GPC6: variants seen among roughly 807,000 people sequenced by gnomAD.
GPC6 encodes glypican-6.
In GPC6, 14 loss-of-function variants were observed where a neutral mutation model predicts 55.2. That is an observed-to-expected ratio of 0.25 (90% CI 0.17 to 0.40). GPC6 has a LOEUF of 0.40. GPC6 is among the 10% of genes least tolerant of loss of function. The pLI is 1.00. For synonymous variants in GPC6, 278 were observed against 259.6 expected, an observed-to-expected ratio of 1.07 and a Z score of -0.68; for missense variants, 641 against 708.5, an observed-to-expected ratio of 0.90 and a Z score of 1.08.
chr13:94,088,377 T>C (rs1451974034), intron 4 of GPC6, among the ~76,000 whole-genome samples: 1 of 151,994 alleles, frequency 6.6e-6, no homozygotes, highest in Admixed American at 6.6e-5. Context: ...AGGATGTTCA[T>C]AGAAACATCC....
At chr13:93,662,055 C>G (rs968794116) in intron 2 of GPC6, among the ~76,000 whole-genome samples, 1 of 152,098 alleles carries the variant, frequency 6.6e-6, no homozygotes, top group Non-Finnish European at 1.5e-5. Context: ...GTATATTCTC[C>G]CTACTAGCAT....
chr13:94,396,156 C>T (rs1189867532), intron 7 of GPC6, among the ~76,000 whole-genome samples: 2 of 152,204 alleles, frequency 1.3e-5, no homozygotes, highest in South Asian at 4.1e-4. Flanking sequence ...AGCCCCAGGG[C>T]GCTTCACCTC....
intron 1 of GPC6, among the ~76,000 whole-genome samples, chr13:93,481,509 A>G (rs1312609566): frequency 6.6e-6 from 1 of 152,064 alleles, no homozygotes; most frequent in African/African-American, 2.4e-5. Flanking sequence ...ATCCAAGATT[A>G]TGGATCTTTA....
intron 4 of GPC6, among the ~76,000 whole-genome samples, chr13:94,178,105 G>A (rs1031257744): frequency 2.7e-5 from 4 of 146,202 alleles, no homozygotes; most frequent in Non-Finnish European, 4.4e-5. Flanking sequence ...TGCAACCTCC[G>A]CCTCCTGGGT....
At chr13:94,192,982 T>A (rs1889447351) in intron 4 of GPC6, among the ~76,000 whole-genome samples, 1 of 152,152 alleles carries the variant, frequency 6.6e-6, no homozygotes, top group Non-Finnish European at 1.5e-5. Flanking sequence ...TGAAGCCTTA[T>A]TTTTGGGGAT....
At chr13:93,352,935 A>G (rs953711418) in intron 1 of GPC6, among the ~76,000 whole-genome samples, 1 of 152,208 alleles carries the variant, frequency 6.6e-6, no homozygotes, top group Non-Finnish European at 1.5e-5. Context: ...TTGTGTGGTC[A>G]TGGAACAGAC....
At chr13:94,243,039 T>A (rs1410233731) in intron 4 of GPC6, among the ~76,000 whole-genome samples, 4 of 152,106 alleles carry the variant, frequency 2.6e-5, no homozygotes, top group Admixed American at 2.6e-4. Context: ...CCAAGAGAAT[T>A]GATCTCCATA....
chr13:93,227,910 C>G lies in GPC6; in HGVS notation c.160+294C>G, dbSNP rs1237708878. Among the ~76,000 whole-genome samples the G allele has an allele frequency of 6.6e-6, 1 of 152,152 alleles. No individual in the cohort carries two copies. Among genetic ancestry groups the G allele is most frequent in the African/African-American group, 2.4e-5 (1 of 41,458 alleles). ...TAGTTGATGGCTCAGGCCCGGCTGG[C>G]CAGGGAGCCCGGGTCACTCCGGGGC... On this transcript the variant is annotated intron_variant, in intron 1 of 8. Coordinates refer to ENST00000377047, the MANE Select transcript of GPC6 (RefSeq NM_005708.5). The surrounding 1 kb of genome is among the most constrained non-coding windows in gnomAD (Gnocchi z 4.3).
chr13:93,509,042 G>A (rs12184868), intron 1 of GPC6, among the ~76,000 whole-genome samples: 125,585 of 152,086 alleles, frequency 0.83, 53,170 homozygotes, highest in Non-Finnish European at 0.92. Flanking sequence ...GGCAGAGCAA[G>A]CCTTCAGAGT....
chr13:94,262,786 A>C (rs1350250770), intron 4 of GPC6, among the ~76,000 whole-genome samples: 2 of 152,202 alleles, frequency 1.3e-5, no homozygotes, highest in Non-Finnish European at 2.9e-5. Flanking sequence ...CTAGGGAAGA[A>C]ATTGTTGCCT....
At chr13:94,232,363 G>A (rs1890755896) in intron 4 of GPC6, among the ~76,000 whole-genome samples, 1 of 152,142 alleles carries the variant, frequency 6.6e-6, no homozygotes, top group Non-Finnish European at 1.5e-5. Context: ...CCAGAACACG[G>A]AGCAGTGCTT....
Position 94,360,826 on chromosome 13 carries a change from T to C in GPC6, c.1153-21588T>C, listed in dbSNP as rs148248248. On this transcript the variant is annotated intron_variant, in intron 6 of 8. Coordinates refer to ENST00000377047, the MANE Select transcript of GPC6 (RefSeq NM_005708.5). ...CACCAGTTCTGTTGTAATGGTTAAT[T>C]TGAGACTGCAGGCTCTGGGCCCCCA... Among the ~76,000 whole-genome samples the C allele has an allele frequency of 2.7e-3, 405 of 152,336 alleles. 1 individual carries two copies. The highest frequency in any genetic ancestry group is 9.3e-3 in the African/African-American group (387 of 41,570).
chr13:93,576,350 A>C (rs896813497), intron 2 of GPC6, among the ~76,000 whole-genome samples: 1 of 152,192 alleles, frequency 6.6e-6, no homozygotes, highest in African/African-American at 2.4e-5. Context: ...ATTTTATATT[A>C]AGTGAATATT....
chr13:94,234,291 T>G (rs2139017091), intron 4 of GPC6, among the ~76,000 whole-genome samples: 1 of 152,282 alleles, frequency 6.6e-6, no homozygotes, highest in East Asian at 1.9e-4. Context: ...TCAGAAGTAT[T>G]CCATGTTTAC....
chr13:94,251,719 AAAAAACAAAAAC>A lies in GPC6; in HGVS notation c.878-34625_878-34614del, dbSNP rs369184915. ...TTCCTAGAAAGCTAAAAGGCAAAAAAAAAAACAAAAACAAAACAAACTGTTGCAAAATTTGGA... is the reference window on the plus strand; with the variant it reads ...TTCCTAGAAAGCTAAAAGGCAAAAAAAAAACAAACTGTTGCAAAATTTGGA... On this transcript the variant is annotated intron_variant, in intron 4 of 8. Coordinates refer to ENST00000377047, the MANE Select transcript of GPC6 (RefSeq NM_005708.5). Among the ~76,000 whole-genome samples, 97 of 144,508 alleles carry A rather than the reference AAAAAACAAAAAC, an allele frequency of 6.7e-4. 1 individual carries two copies. Among genetic ancestry groups the A allele is most frequent in the Middle Eastern group, 3.5e-3 (1 of 284 alleles). 94.8% of individuals were successfully genotyped at this position (144,508 alleles called of 152,430 possible).
At chr13:93,573,516 G>T (rs1876511149) in intron 2 of GPC6, among the ~76,000 whole-genome samples, 1 of 152,070 alleles carries the variant, frequency 6.6e-6, no homozygotes. Context: ...TGGAAATGGG[G>T]CTTTTATATA....
intron 2 of GPC6, among the ~76,000 whole-genome samples, chr13:93,622,587 A>G (rs1364509946): frequency 1.3e-5 from 2 of 152,138 alleles, no homozygotes; most frequent in Non-Finnish European, 2.9e-5. Flanking sequence ...TGCTAGCCCC[A>G]AGGACTAAGG....
chr13:94,158,677 T>G (rs79153756), intron 4 of GPC6, among the ~76,000 whole-genome samples: 1,784 of 151,580 alleles, frequency 0.012, 39 homozygotes, highest in African/African-American at 0.041. Flanking sequence ...ACAGAGGGAG[T>G]GAAGATAAAC....
chr13:93,653,626 G>T (rs950911843), intron 2 of GPC6, among the ~76,000 whole-genome samples: 1 of 48,726 alleles, frequency 2.1e-5, no homozygotes, highest in Non-Finnish European at 1.0e-4. Context: ...ATATATATAT[G>T]ATTTTAAACT....
Sources: gnomAD v4.1 joint callset for allele counts (sites outside exome capture counted in the v4.1 genomes callset) on GRCh38, gnomAD v4.1.1 for gene constraint, Gnocchi (gnomAD v3.1) non-coding constraint, MANE v1.5 for transcripts, NCBI Gene and HGNC (gene_info 2026-07-23, HGNC 2026-07-21) for gene names.